The following SMARCC1 variants were observed in gnomAD, a reference collection of about 807,000 sequenced individuals.
The protein encoded by SMARCC1 is SWI/SNF complex subunit SMARCC1.
A neutral mutation model predicts 147.4 loss-of-function variants in SMARCC1; 43 were observed. The observed-to-expected ratio is 0.29, with a 90% confidence interval of 0.23 to 0.38. The LOEUF (loss-of-function observed/expected upper bound fraction) is 0.38, where lower values mean the gene tolerates loss of function less well. Among genes scored for constraint, SMARCC1 ranks in the 10% least tolerant of loss-of-function variants. The probability of loss-of-function intolerance (pLI) is 1.00; values close to 1 mark genes in which losing one functional copy is unlikely to be tolerated. For missense variants in SMARCC1, 1,119 were observed against 1,381.1 expected, an observed-to-expected ratio of 0.81 and a Z score of 3.01; for synonymous variants, 495 against 484.4, an observed-to-expected ratio of 1.02 and a Z score of -0.29.
At chr3:47,769,366 A>C (rs902092249) in intron 2 of SMARCC1, among the ~76,000 whole-genome samples, 2 of 151,648 alleles carry the variant, frequency 1.3e-5, no homozygotes, top group South Asian at 2.1e-4. Context: ...AAATACAAAA[A>C]TTAGCCGGGC....
chr3:47,601,025 G>GAGAC (rs2032375245), intron 26 of SMARCC1, among the ~76,000 whole-genome samples: 1 of 150,374 alleles, frequency 6.7e-6, no homozygotes, highest in Non-Finnish European at 1.5e-5. Flanking sequence ...GAGAGAGAGA[G>GAGAC]AGAGAGAGAG....
chr3:47,650,282 T>TAAC (rs2033172668), intron 21 of SMARCC1, among the ~76,000 whole-genome samples: 1 of 136,390 alleles, frequency 7.3e-6, no homozygotes, highest in Non-Finnish European at 1.6e-5. Flanking sequence ...TTTAAAATAA[T>TAAC]AATAATAATA....
At chr3:47,773,481 G>A (rs1389181058) in intron 1 of SMARCC1, among the ~76,000 whole-genome samples, 8 of 150,462 alleles carry the variant, frequency 5.3e-5, no homozygotes, top group African/African-American at 9.8e-5. Flanking sequence ...GCCCAAACCA[G>A]TAGTAGACAC....
At chr3:47,665,481 A>G (rs921618954) in intron 19 of SMARCC1, among the ~76,000 whole-genome samples, 24 of 152,186 alleles carry the variant, frequency 1.6e-4, no homozygotes, top group African/African-American at 5.5e-4. Flanking sequence ...TTAATTAAAA[A>G]ATATTTTTTC....
At chr3:47,777,406 A>G (rs1391116436) in intron 1 of SMARCC1, among the ~76,000 whole-genome samples, 1 of 147,740 alleles carries the variant, frequency 6.8e-6, no homozygotes, top group Non-Finnish European at 1.5e-5. Flanking sequence ...ACTACAGTGA[A>G]TATAGGCCGG....
chr3:47,701,947 T>C (rs1022524951), intron 10 of SMARCC1, among the ~76,000 whole-genome samples: 5 of 152,082 alleles, frequency 3.3e-5, no homozygotes, highest in African/African-American at 9.7e-5. Context: ...AAAATCCTAC[T>C]AGACAATTGC....
intron 21 of SMARCC1, among the ~76,000 whole-genome samples, chr3:47,646,804 T>TC (rs2033125762): frequency 6.6e-6 from 1 of 152,128 alleles, no homozygotes; most frequent in African/African-American, 2.4e-5. Flanking sequence ...TCAAAATCAG[T>TC]CCCCCAGCCA....
intron 21 of SMARCC1, among the ~76,000 whole-genome samples, chr3:47,648,486 A>C (rs1329002951): frequency 6.6e-6 from 1 of 152,140 alleles, no homozygotes; most frequent in African/African-American, 2.4e-5. Context: ...TTCTGGGCTT[A>C]AGCGATCCTT....
chr3:47,700,402 C>T (rs912220234), intron 11 of SMARCC1, among the ~76,000 whole-genome samples: 2 of 152,090 alleles, frequency 1.3e-5, no homozygotes, highest in African/African-American at 4.8e-5. Flanking sequence ...CTTTACTTTT[C>T]GAAGTATGCT....
chr3:47,758,991 G>A (rs999619488), intron 2 of SMARCC1, among the ~76,000 whole-genome samples: 13 of 147,284 alleles, frequency 8.8e-5, no homozygotes, highest in Admixed American at 2.8e-4. Context: ...CACTCCAGCC[G>A]GGGCAACAAG....
intron 5 of SMARCC1, among the ~76,000 whole-genome samples, chr3:47,731,817 C>CTT (rs1372807826): frequency 6.6e-6 from 1 of 152,166 alleles, no homozygotes; most frequent in Non-Finnish European, 1.5e-5. Context: ...GTCATCTAGG[C>CTT]TTTGCTGTTT....
chr3:47,596,246 T>C (rs1250959242), intron 26 of SMARCC1, among the ~76,000 whole-genome samples: 1 of 152,064 alleles, frequency 6.6e-6, no homozygotes, highest in Non-Finnish European at 1.5e-5. Context: ...TTCTGTGGGA[T>C]GGAAAGCAAT....
chr3:47,698,523 T>C (rs1051884503), intron 11 of SMARCC1, among the ~76,000 whole-genome samples: 1 of 152,006 alleles, frequency 6.6e-6, no homozygotes, highest in Admixed American at 6.6e-5. Flanking sequence ...TAAAAAGCAA[T>C]AGAATACACG....
chr3:47,710,326 T>C (rs1490686237), intron 9 of SMARCC1, among the ~76,000 whole-genome samples: 4 of 151,970 alleles, frequency 2.6e-5, no homozygotes, highest in African/African-American at 4.8e-5. Context: ...TCAAAAAATA[T>C]ATATACATAC....
intron 27 of SMARCC1, 80 bp downstream of exon 27, chr3:47,590,581 G>T: frequency 8.0e-7 from 1 of 1,257,832 alleles, no homozygotes; most frequent in South Asian, 1.9e-5. Flanking sequence ...ATCTCGGGGA[G>T]AGAACAAAGC....
chr3:47,659,483 C>T (rs928883866), intron 21 of SMARCC1, among the ~76,000 whole-genome samples: 46 of 151,762 alleles, frequency 3.0e-4, no homozygotes, highest in African/African-American at 5.8e-4. Flanking sequence ...AAGGCCATGT[C>T]GGATTTATCA....
At chr3:47,632,326 C>CA (rs559822020) in intron 24 of SMARCC1, among the ~76,000 whole-genome samples, 85 of 152,024 alleles carry the variant, frequency 5.6e-4, no homozygotes, top group African/African-American at 2.0e-3. Context: ...TTTGTAGAGA[C>CA]AGAGTCTCAC....
At chr3:47,638,519 G>T (rs2033003835) in intron 22 of SMARCC1, among the ~76,000 whole-genome samples, 1 of 152,134 alleles carries the variant, frequency 6.6e-6, no homozygotes, top group African/African-American at 2.4e-5. Flanking sequence ...AAAAGAAGAG[G>T]ATAGGGAGTG....
intron 2 of SMARCC1, among the ~76,000 whole-genome samples, chr3:47,748,810 T>A (rs2034595292): frequency 6.6e-6 from 1 of 152,014 alleles, no homozygotes; most frequent in South Asian, 2.1e-4. Context: ...GTGGCAAACA[T>A]TAAAAAGACA....
Sources: allele counts gnomAD v4.1 joint callset (sites outside exome capture counted in the v4.1 genomes callset), GRCh38; gene constraint gnomAD v4.1.1; transcripts MANE v1.5; gene names NCBI Gene and HGNC (gene_info 2026-07-23, HGNC 2026-07-21).